RIF1: variants seen among roughly 807,000 people sequenced by gnomAD.
The protein encoded by RIF1 is replication timing regulatory factor 1.
In RIF1, 45 loss-of-function variants were observed where a neutral mutation model predicts 247.1. The observed-to-expected ratio is 0.18, with a 90% confidence interval of 0.14 to 0.23. The LOEUF (loss-of-function observed/expected upper bound fraction) is 0.23, where lower values mean the gene tolerates loss of function less well. RIF1 is among the 10% of genes least tolerant of loss of function. RIF1 has a pLI of 1.00. For synonymous variants in RIF1, 1,087 were observed against 978.8 expected, an observed-to-expected ratio of 1.11 and a Z score of -2.06; for missense variants, 2,967 against 2,862.5, an observed-to-expected ratio of 1.04 and a Z score of -0.83.
At chr2:151,413,673 A>T (rs1307257852) in intron 3 of RIF1, among the ~76,000 whole-genome samples, 1 of 152,246 alleles carries the variant, frequency 6.6e-6, no homozygotes, top group Non-Finnish European at 1.5e-5. Flanking sequence ...AGCCTTACTT[A>T]GTTGCTTACA....
chr2:151,465,529 T>C lies in RIF1; in HGVS notation c.6009T>C (p.Asn2003=). 6.2e-7 allele frequency: 1 copy of C among 1,606,706 alleles called. No homozygotes were observed. The change falls in exon 30 of 36, where the codon AAT becomes AAC. Residue 2003 remains asparagine, a synonymous_variant. Transcript: ENST00000444746. ...CAGCTGGGGAACTAGATGGAGGAAA[T>C]GATGTATCTGATCTACACTCATCTG... is the stretch of plus-strand genomic sequence containing the variant. ...QTAAGELDGG[N]DVSDLHSSEE...
At chr2:151,525,859 A>T in the RIF1 span, 3 of 875,746 alleles carry the variant, frequency 3.4e-6, no homozygotes, top group Admixed American at 5.1e-5. Context: ...GTAAGAGTGA[A>T]GCTACATAAA....
intron 29 of RIF1, among the ~76,000 whole-genome samples, 182 bp downstream of exon 29, chr2:151,462,648 A>AGT (rs112752759): frequency 0.48 from 72,887 of 150,648 alleles, 19,596 homozygotes; most frequent in Admixed American, 0.63. Context: ...GACACTAGTC[A>AGT]GTGTGTGTGT....
At chr2:151,524,621 A>G in the RIF1 span, 18 of 478,326 alleles carry the variant, frequency 3.8e-5, no homozygotes, top group Non-Finnish European at 5.9e-5. Context: ...AGCGACCTTT[A>G]TTGGGGAAGA....
At chr2:151,434,202 A>G (rs1690711630) in intron 10 of RIF1, among the ~76,000 whole-genome samples, 1 of 151,536 alleles carries the variant, frequency 6.6e-6, no homozygotes, top group Non-Finnish European at 1.5e-5. Context: ...CAAGTGCTAC[A>G]CTGGGTAGAT....
rs367747101 is a variant in RIF1 at position 151,437,128 on chromosome 2, CT to C, written c.1373-105del. 1.2e-3 allele frequency: 1,458 copies of C among 1,213,670 alleles called. 4 individuals carry two copies. The highest frequency in any genetic ancestry group is 3.0e-3 in the African/African-American group (193 of 64,720). The allele number at this position is 1,213,670 out of a possible 1,614,324, so 75.2% of individuals were successfully genotyped here. The stretch of plus-strand genomic sequence containing the variant: ...TTACAGTTGTGTATGAAATATGAAT[CT>C]TTTTTTTATAGAAAACACACCTACT... On this transcript the variant is annotated intron_variant, in intron 12 of 35. Transcript: ENST00000444746.
rs1356837980 is a variant in RIF1 at position 151,463,715 on chromosome 2, G to A, written c.4195G>A (p.Val1399Ile). 2 of 1,613,968 alleles carry A rather than the reference G, an allele frequency of 1.2e-6. No individual in the cohort carries two copies. Among genetic ancestry groups the A allele is most frequent in the East Asian group, 2.2e-5 (1 of 44,868 alleles). Residue 1399 changes from valine (V) to isoleucine (I), a missense_variant, in exon 30 of 36, where the codon GTA becomes ATA. Physicochemically the swap from Val to Ile is conservative, Grantham distance 29. Coordinates refer to ENST00000444746, the MANE Select transcript of RIF1 (RefSeq NM_018151.5). ...AGTAGTAATATCAGCAGATCAAATG[G>A]TAAATGAGGATAGTCAGGTTCAGAT... ...PPVVISADQM[V>I]NEDSQVQITP...
chr2:151,524,829 G>A, the RIF1 span, among the ~76,000 whole-genome samples: 7 of 151,476 alleles, frequency 4.6e-5, no homozygotes, highest in East Asian at 1.9e-4. Context: ...CACCATGCCC[G>A]GCTGATTTTT....
downstream of RIF1, chr2:151,485,885 C>T (rs747323786): frequency 1.9e-6 from 3 of 1,613,844 alleles, no homozygotes; most frequent in Non-Finnish European, 2.5e-6. Context: ...TTGAAGGACA[C>T]CTCATCTGCA....
intron 9 of RIF1, among the ~76,000 whole-genome samples, chr2:151,432,184 A>G (rs1690282535): frequency 6.6e-6 from 1 of 151,892 alleles, no homozygotes; most frequent in Admixed American, 6.6e-5. Flanking sequence ...ACCTTTTTGT[A>G]GTTTTAGTAG....
chr2:151,486,975 A>G (rs1478481179), downstream of RIF1, among the ~76,000 whole-genome samples: 38 of 152,288 alleles, frequency 2.5e-4, no homozygotes, highest in Admixed American at 2.4e-3. Context: ...GATTATGGAG[A>G]TGGTTGGAAA....
In RIF1 at chr2:151,461,186, G is replaced by A. The variant is rs769741741; in HGVS notation, c.3124G>A (p.Glu1042Lys). Residue 1042 changes from glutamate to lysine, a missense_variant, in exon 27 of 36, where the codon GAA becomes AAA. Coordinates refer to ENST00000444746, the MANE Select transcript of RIF1 (RefSeq NM_018151.5). The stretch of plus-strand genomic sequence containing the variant: ...AAAAGTAAAGGGTGAAATTCTTTTG[G>A]AAGAGGAAAAGTCTACTGACTTTGT... The part of the protein sequence containing the change: ...SLKVKGEILL[E>K]EEKSTDFVFI... The A allele has an allele frequency of 6.8e-6, 11 of 1,613,182 alleles. No individual in the cohort carries two copies. Among genetic ancestry groups the A allele is most frequent in the Non-Finnish European group, 7.6e-6 (9 of 1,179,702 alleles).
At chr2:151,433,299 A>G (rs1690511908) in intron 10 of RIF1, 71 bp downstream of exon 10, 6 of 1,242,048 alleles carry the variant, frequency 4.8e-6, no homozygotes, top group Non-Finnish European at 5.7e-6. Flanking sequence ...TACCAATGTA[A>G]TCCTGTGGTG....
chr2:151,464,671 A>T lies in RIF1; in HGVS notation c.5151A>T (p.Glu1717Asp). ...SLSEKTFQTL[E>D]CQHKRSRRVR... Reference sequence around the variant, plus strand: ...CAGAAAAAACTTTTCAAACACTTGAATGCCAACACAAGAGAAGTAGGAGGG... The same window carrying T: ...CAGAAAAAACTTTTCAAACACTTGATTGCCAACACAAGAGAAGTAGGAGGG... Residue 1717 changes from glutamate to aspartate, a missense_variant, in exon 30 of 36, where the codon GAA becomes GAT. This residue lies in a region of RIF1 where 2,028 missense variants were observed against 1,825.6 expected (regional missense o/e 1.11). Transcript: ENST00000444746. 6.2e-7 allele frequency: 1 copy of T among 1,613,034 alleles called. No homozygotes were observed. Among genetic ancestry groups the T allele is most frequent in the Non-Finnish European group, 8.5e-7 (1 of 1,179,352 alleles).
intron 30 of RIF1, among the ~76,000 whole-genome samples, chr2:151,466,820 T>A (rs1323921437): frequency 6.6e-6 from 1 of 152,264 alleles, no homozygotes. Flanking sequence ...TGGCATTCCT[T>A]AATTTTGAAC....
At position 151,443,757 on chromosome 2, in the gene RIF1, T is replaced by A. The variant is rs1553484940; in HGVS notation, c.1986+48T>A. 6.0e-6 allele frequency: 7 copies of A among 1,176,092 alleles called. No individual in the cohort carries two copies. In the South Asian group the frequency reaches 1.4e-4, roughly 24 times the overall value. 72.9% of individuals were successfully genotyped at this position (1,176,092 alleles called of 1,614,324 possible). On this transcript the variant is annotated intron_variant, in intron 18 of 35. Transcript: ENST00000444746. ...ATTTTGGATAATAGACCTTTTTTTT[T>A]TGTTAGTGCAGTTGGGGAAATGAAT...
the RIF1 span, among the ~76,000 whole-genome samples, chr2:151,523,564 C>A: frequency 6.6e-6 from 1 of 152,306 alleles, no homozygotes; most frequent in Non-Finnish European, 1.5e-5. Context: ...CAAACTTGCA[C>A]TCTGATAGGT....
Position 151,501,576 on chromosome 2 carries a change from ATTG to A in RIF1, c.*710-1452_*710-1450del, listed in dbSNP as rs749127568. 1.8e-4 allele frequency: 113 copies of A among 620,196 alleles called. No homozygotes were observed. The Middle Eastern group carries it at 2.5e-3, about 14-fold the overall frequency. The allele number at this position is 620,196 out of a possible 1,614,324, so 38.4% of individuals were successfully genotyped here. A position where few individuals can be genotyped will look rare whatever the true frequency, so the allele number is the denominator to read the frequency against. ...AAAACAGCCTAAAAGAAGTATTTTT[ATTG>A]TTGTTTTTATGATGAAGTACCTCAG... On this transcript the variant is annotated intron_variant and NMD_transcript_variant, in intron 11 of 13. Transcript: ENST00000454583.
rs1428638181 is a variant in RIF1 at position 151,474,952 on chromosome 2, C to T, written c.7300C>T (p.His2434Tyr). The T allele has an allele frequency of 1.2e-6, 2 of 1,611,262 alleles. No individual in the cohort carries two copies. The highest frequency in any genetic ancestry group is 1.3e-5 in the African/African-American group (1 of 74,810). The part of the protein sequence containing the change: ...LALQLDSEDL[H>Y]NYSGSQLFEM... ...TCTTCAGCTGGATTCAGAAGATCTTCATAATTATTCAGGAAGCCAACTATT... is the reference window on the plus strand; with the variant it reads ...TCTTCAGCTGGATTCAGAAGATCTTTATAATTATTCAGGAAGCCAACTATT... Residue 2434 changes from histidine (H) to tyrosine (Y), a missense_variant, in exon 36 of 36, where the codon CAT (histidine) becomes TAT (tyrosine). Physicochemically the swap from His to Tyr is moderately conservative, Grantham distance 83. Around this residue, in one of 7 missense-constraint regions of RIF1, gnomAD observed 151 missense variants for 163.4 expected, o/e 0.92. Coordinates refer to ENST00000444746, the MANE Select transcript of RIF1 (RefSeq NM_018151.5).
Sources: gnomAD v4.1 joint callset for allele counts (sites outside exome capture counted in the v4.1 genomes callset) on GRCh38, gnomAD v4.1.1 for gene constraint, gnomAD v4.1.1 regional missense constraint, MANE v1.5 for transcripts, NCBI Gene and HGNC (gene_info 2026-07-23, HGNC 2026-07-21) for gene names.